The following PLXNC1 variants were observed in gnomAD, a reference collection of about 807,000 sequenced individuals.
PLXNC1 encodes plexin-C1.
A neutral mutation model predicts 178.2 loss-of-function variants in PLXNC1; 75 were observed. That is an observed-to-expected ratio of 0.42 (90% CI 0.35 to 0.51). PLXNC1 has a LOEUF of 0.51. PLXNC1 is among the 20% of genes least tolerant of loss of function. The probability of loss-of-function intolerance (pLI) is 0.02; values close to 1 mark genes in which losing one functional copy is unlikely to be tolerated. For missense variants in PLXNC1, 1,503 were observed against 1,984.4 expected (o/e 0.76, Z 4.61); for synonymous variants, 790 against 779.9 (o/e 1.01, Z -0.22).
At position 94,260,688 on chromosome 12, in the gene PLXNC1, G is replaced by T. The variant is rs1295709711; in HGVS notation, c.3298G>T (p.Val1100Phe). 1 of 1,614,002 alleles carries T rather than the reference G, an allele frequency of 6.2e-7. No homozygotes were observed. Among genetic ancestry groups the T allele is most frequent in the South Asian group, 1.1e-5 (1 of 91,072 alleles). The change falls in exon 20 of 31, where the codon GTC becomes TTC. Residue 1100 changes from valine to phenylalanine, a missense_variant. By Grantham distance (50) the Val-to-Phe change is conservative. Around this residue, in one of 4 missense-constraint regions of PLXNC1, gnomAD observed 639 missense variants for 979.7 expected, o/e 0.65. Coordinates refer to ENST00000258526, the MANE Select transcript of PLXNC1 (RefSeq NM_005761.3). This position sits in a 1 kb window ranked among gnomAD's most constrained non-coding sequence, Gnocchi z 4.4. ...AACCATTGCACTGCAAACCAAGCTGGTCTACCTGACCAGCATCCTAGAGGT... is the reference window on the plus strand; with the variant it reads ...AACCATTGCACTGCAAACCAAGCTGTTCTACCTGACCAGCATCCTAGAGGT... ...FLTIALQTKL[V>F]YLTSILEVLT...
chr12:94,226,518 G>C, intron 7 of PLXNC1, 87 bp from the exon 8 acceptor site: 1 of 743,042 alleles, frequency 1.3e-6, no homozygotes, highest in Non-Finnish European at 2.2e-6. Flanking sequence ...TCTTTTAAAT[G>C]CTTGCATGCC....
At chr12:94,304,671 A>G (rs1179701837) in intron 30 of PLXNC1, among the ~76,000 whole-genome samples, 1 of 152,108 alleles carries the variant, frequency 6.6e-6, no homozygotes, top group Admixed American at 6.5e-5. Context: ...CTACTTGAAG[A>G]TGAAGTGAAG....
intron 17 of PLXNC1, chr12:94,256,410 CAAGAAGGCTGTA>C (rs1447983196): frequency 6.6e-6 from 1 of 152,144 alleles, no homozygotes; most frequent in Non-Finnish European, 1.5e-5. Flanking sequence ...TGTTATAAAT[CAAGAAGGCTGTA>C]AATAAGACTT....
At chr12:94,237,884 CT>C in intron 10 of PLXNC1, 81 bp downstream of exon 10, 1 of 1,397,002 alleles carries the variant, frequency 7.2e-7, no homozygotes, top group Non-Finnish European at 9.8e-7. Context: ...TGATTATAAC[CT>C]TAATATAGTC....
chr12:94,293,072 A>G (rs192267452), intron 23 of PLXNC1, among the ~76,000 whole-genome samples: 546 of 152,282 alleles, frequency 3.6e-3, no homozygotes, highest in Non-Finnish European at 5.9e-3. Context: ...TTCAAGCTCT[A>G]TGTAAATGGA....
At chr12:94,303,735 T>C in intron 28 of PLXNC1, 21 bp from the exon 29 acceptor site, 1 of 1,119,382 alleles carries the variant, frequency 8.9e-7, no homozygotes, top group Non-Finnish European at 1.2e-6. Context: ...ATGGTTGCTT[T>C]TTTTTTTTTT....
intron 9 of PLXNC1, among the ~76,000 whole-genome samples, chr12:94,235,432 C>T (rs897859119): frequency 2.0e-5 from 3 of 152,008 alleles, no homozygotes; most frequent in African/African-American, 7.2e-5. Flanking sequence ...CTTGAGCAGA[C>T]ATCAACAGTA....
chr12:94,283,876 G>C (rs1166115806), intron 23 of PLXNC1, among the ~76,000 whole-genome samples: 1 of 152,152 alleles, frequency 6.6e-6, no homozygotes, highest in Non-Finnish European at 1.5e-5. Flanking sequence ...CTGAGGTCAG[G>C]AGTCCAACAC....
chr12:94,161,350 G>T (rs756813363), intron 1 of PLXNC1, among the ~76,000 whole-genome samples: 62 of 152,106 alleles, frequency 4.1e-4, no homozygotes, highest in Non-Finnish European at 4.1e-4. Flanking sequence ...TGAGTGGATG[G>T]GTGGGTGGAT....
rs1965169640 is a variant in PLXNC1 at position 94,265,218 on chromosome 12, G to A, written c.3590G>A (p.Ser1197Asn). Residue 1197 changes from serine (S) to asparagine (N), a missense_variant, in exon 21 of 31, where the codon AGT becomes AAT. This residue lies in a region of PLXNC1 where 639 missense variants were observed against 979.7 expected (regional missense o/e 0.65). Transcript: ENST00000258526. Reference sequence around the variant, plus strand: ...CTGTTGTGGCAGGTTCCGGAATTCAGTACTGTGGTATGTTTTCAATAAAGC... The same window carrying A: ...CTGTTGTGGCAGGTTCCGGAATTCAATACTGTGGTATGTTTTCAATAAAGC... ...DWLLWQVPEFSTVALNVVFEK... is the reference protein window; with the variant it reads ...DWLLWQVPEFNTVALNVVFEK... 1.9e-6 allele frequency: 3 copies of A among 1,607,670 alleles called. No individual in the cohort carries two copies. Among genetic ancestry groups the A allele is most frequent in the African/African-American group, 1.3e-5 (1 of 74,810 alleles).
chr12:94,235,580 C>T (rs1015716959), intron 9 of PLXNC1, among the ~76,000 whole-genome samples: 1 of 152,186 alleles, frequency 6.6e-6, no homozygotes, highest in Non-Finnish European at 1.5e-5. Context: ...CCTAAGAAGA[C>T]AGTGGACTCC....
intron 20 of PLXNC1, chr12:94,262,889 T>A: frequency 1.8e-6 from 1 of 561,762 alleles, no homozygotes; most frequent in Non-Finnish European, 2.3e-6. Context: ...AAGGGTCCTG[T>A]GAGCTAAGTG....
intron 4 of PLXNC1, among the ~76,000 whole-genome samples, chr12:94,204,810 C>A (rs1485482144): frequency 2.6e-5 from 4 of 152,218 alleles, no homozygotes; most frequent in African/African-American, 7.2e-5. Context: ...AGCCCTCCCC[C>A]AGCATGGATG....
At chr12:94,256,967 G>T (rs1351140011) in intron 17 of PLXNC1, among the ~76,000 whole-genome samples, 1 of 151,906 alleles carries the variant, frequency 6.6e-6, no homozygotes, top group Non-Finnish European at 1.5e-5. Flanking sequence ...AAAACAACTG[G>T]GAAAGTCATA....
intron 3 of PLXNC1, among the ~76,000 whole-genome samples, chr12:94,184,292 ATT>A (rs758076836): frequency 3.5e-5 from 5 of 142,564 alleles, no homozygotes; most frequent in African/African-American, 1.3e-4. Context: ...TAATTTTTGT[ATT>A]TTTTTTTTTT....
chr12:94,254,388 C>T (rs1964783518), intron 15 of PLXNC1: 1 of 388,640 alleles, frequency 2.6e-6, no homozygotes, highest in South Asian at 1.9e-5. Flanking sequence ...CTTTATTTCT[C>T]CAGGGATGCT....
intron 23 of PLXNC1, among the ~76,000 whole-genome samples, chr12:94,287,872 C>G (rs1020431986): frequency 6.6e-6 from 1 of 152,208 alleles, no homozygotes; most frequent in Non-Finnish European, 1.5e-5. Context: ...AGGGCTTTGA[C>G]CAACAGCAGC....
chr12:94,266,110 C>T (rs928989842), intron 21 of PLXNC1, among the ~76,000 whole-genome samples: 1 of 152,182 alleles, frequency 6.6e-6, no homozygotes, highest in Non-Finnish European at 1.5e-5. Context: ...ATTAAGAGAG[C>T]TGAGTCTTCT....
chr12:94,284,173 A>T (rs575473448), intron 23 of PLXNC1, among the ~76,000 whole-genome samples: 14 of 151,604 alleles, frequency 9.2e-5, no homozygotes, highest in South Asian at 6.3e-4. Context: ...TATCCCCAGG[A>T]GCAATTTGGG....
Sources: allele counts gnomAD v4.1 joint callset (sites outside exome capture counted in the v4.1 genomes callset), GRCh38; gene constraint gnomAD v4.1.1; regional missense constraint gnomAD v4.1.1; non-coding constraint Gnocchi (gnomAD v3.1); transcripts MANE v1.5; gene names NCBI Gene and HGNC (gene_info 2026-07-23, HGNC 2026-07-21).